The following CDH2 variants were observed in gnomAD, a reference collection of about 807,000 sequenced individuals.
CDH2 encodes the protein cadherin-2.
Under a neutral mutation model 92.0 loss-of-function variants are expected in CDH2, and 17 were observed. The ratio of observed to expected loss-of-function variants is 0.18; its 90% CI spans 0.13 to 0.28. The LOEUF (loss-of-function observed/expected upper bound fraction) is 0.28. CDH2 is among the 10% of genes least tolerant of loss of function. The pLI is 1.00. For missense variants in CDH2, 862 were observed against 1,133.1 expected (o/e 0.76, Z 3.44); for synonymous variants, 419 against 415.9 (o/e 1.01, Z -0.09).
Position 28,033,452 on chromosome 18 carries a change from C to G in CDH2, c.173-19543G>C, listed in dbSNP as rs776189305. Among the ~76,000 whole-genome samples, 9 of 151,854 alleles carry G rather than the reference C, an allele frequency of 5.9e-5. 1 individual carries two copies. In the South Asian group the frequency reaches 1.0e-3, roughly 18 times the overall value. The stretch of plus-strand genomic sequence containing the variant: ...CTAAAGATCTAATTACTGATGCACA[C>G]GAATTGGTTCACTGAATTTAGGTGC... On this transcript the variant is annotated intron_variant, in intron 2 of 15. Transcript: ENST00000269141.
At chr18:27,992,511 C>T in intron 9 of CDH2, 144 bp downstream of exon 9, 1 of 585,330 alleles carries the variant, frequency 1.7e-6, no homozygotes, top group South Asian at 3.2e-5. Flanking sequence ...AAGATATAAC[C>T]TCCCAAATAT....
intron 2 of CDH2, chr18:28,036,570 A>G (rs751948254): frequency 6.4e-7 from 1 of 1,567,050 alleles, no homozygotes; most frequent in Admixed American, 1.7e-5. Flanking sequence ...TCCATTTCCC[A>G]TAATTCCTTC....
intron 2 of CDH2, among the ~76,000 whole-genome samples, chr18:28,144,945 G>A (rs972331593): frequency 1.3e-5 from 2 of 152,020 alleles, no homozygotes; most frequent in Non-Finnish European, 2.9e-5. Flanking sequence ...AGGAAAGAAT[G>A]CTCTTTAAAC....
At chr18:28,128,529 C>A (rs150073499) in intron 2 of CDH2, among the ~76,000 whole-genome samples, 1 of 151,768 alleles carries the variant, frequency 6.6e-6, no homozygotes, top group Admixed American at 6.6e-5. Context: ...TACAAAAAAA[C>A]AAATAACAAA....
intron 6 of CDH2, among the ~76,000 whole-genome samples, chr18:27,945,443 A>C (rs1909248034): frequency 6.6e-6 from 1 of 151,544 alleles, no homozygotes; most frequent in Non-Finnish European, 1.5e-5. Flanking sequence ...ATGAGTCAAA[A>C]AAGTGACAGT....
chr18:28,115,109 C>A (rs1243166680), intron 2 of CDH2, among the ~76,000 whole-genome samples: 1 of 152,054 alleles, frequency 6.6e-6, no homozygotes, highest in Admixed American at 6.6e-5. Context: ...CTTGGAGTGG[C>A]AGGAGTCTTC....
intron 2 of CDH2, among the ~76,000 whole-genome samples, chr18:28,077,169 C>G (rs1037082400): frequency 9.2e-5 from 14 of 152,228 alleles, no homozygotes; most frequent in Non-Finnish European, 1.9e-4. Context: ...GGAACACTGG[C>G]CACACTGCTT....
chr18:28,038,376 T>C (rs942835933), intron 2 of CDH2, among the ~76,000 whole-genome samples: 1 of 151,568 alleles, frequency 6.6e-6, no homozygotes. Context: ...TGAGCTGTGA[T>C]TGCATCACTG....
At chr18:28,168,686 T>C (rs1332898209) in intron 1 of CDH2, 2 of 264,442 alleles carry the variant, frequency 7.6e-6, no homozygotes, top group African/African-American at 4.6e-5. Context: ...TTTTCTCTCC[T>C]AAAGACCACA....
intron 2 of CDH2, chr18:28,045,403 A>G (rs2014054078): frequency 2.1e-6 from 1 of 467,952 alleles, no homozygotes; most frequent in Admixed American, 2.4e-5. Context: ...TAGAAAAGAA[A>G]GACCTACTCC....
chr18:28,000,486 G>T (rs1030243661), intron 7 of CDH2, among the ~76,000 whole-genome samples: 5 of 152,080 alleles, frequency 3.3e-5, no homozygotes, highest in South Asian at 2.1e-4. Flanking sequence ...ATGGATGCAG[G>T]AGCTGAGGTT....
At chr18:27,961,612 T>G (rs1010769153) in intron 15 of CDH2, among the ~76,000 whole-genome samples, 2 of 152,080 alleles carry the variant, frequency 1.3e-5, no homozygotes, top group Non-Finnish European at 2.9e-5. Context: ...ACGTGAGGGG[T>G]AGAAGAAGGC....
intron 1 of CDH2, among the ~76,000 whole-genome samples, chr18:28,166,406 G>A (rs183005715): frequency 6.6e-6 from 1 of 151,716 alleles, no homozygotes; most frequent in African/African-American, 2.4e-5. Context: ...CAAATAAAGA[G>A]AAGGATCATA....
chr18:28,133,669 CTT>C (rs1241902716), intron 2 of CDH2, among the ~76,000 whole-genome samples: 1 of 149,718 alleles, frequency 6.7e-6, no homozygotes, highest in East Asian at 2.0e-4. Flanking sequence ...CATGAATTCT[CTT>C]GTTTGCGTGC....
chr18:28,101,501 A>C (rs2015226240), intron 2 of CDH2, among the ~76,000 whole-genome samples: 1 of 152,098 alleles, frequency 6.6e-6, no homozygotes, highest in Non-Finnish European at 1.5e-5. Flanking sequence ...TATTTCTCCA[A>C]AAGCCACCTG....
intron 1 of CDH2, among the ~76,000 whole-genome samples, chr18:28,174,222 A>G (rs2016504158): frequency 6.6e-6 from 1 of 151,912 alleles, no homozygotes; most frequent in African/African-American, 2.4e-5. Context: ...TTCTAAAACT[A>G]TCGGCTGCTT....
intron 9 of CDH2, among the ~76,000 whole-genome samples, chr18:27,990,971 C>T (rs570991638): frequency 6.6e-6 from 1 of 152,224 alleles, no homozygotes; most frequent in African/African-American, 2.4e-5. Context: ...TCTTAGCAAA[C>T]TAAAACTCTG....
intron 2 of CDH2, among the ~76,000 whole-genome samples, chr18:28,101,773 A>G (rs1253627819): frequency 6.6e-6 from 1 of 152,134 alleles, no homozygotes; most frequent in Non-Finnish European, 1.5e-5. Context: ...AATCTACCCT[A>G]AGCATGAAAG....
chr18:27,975,482 C>T (rs17468095), intron 14 of CDH2, among the ~76,000 whole-genome samples: 9,660 of 152,266 alleles, frequency 0.063, 354 homozygotes, highest in South Asian at 0.1. Context: ...TGGGAGGGAG[C>T]GCACAGGTGA....
Sources: allele counts gnomAD v4.1 joint callset (sites outside exome capture counted in the v4.1 genomes callset), GRCh38; gene constraint gnomAD v4.1.1; transcripts MANE v1.5; gene names NCBI Gene and HGNC (gene_info 2026-07-23, HGNC 2026-07-21).